VPS13B: variants seen among roughly 807,000 people sequenced by gnomAD.
VPS13B encodes intermembrane lipid transfer protein VPS13B.
A neutral mutation model predicts 426.4 loss-of-function variants in VPS13B; 285 were observed. The ratio of observed to expected loss-of-function variants is 0.67; its 90% confidence interval spans 0.61 to 0.74. The LOEUF (loss-of-function observed/expected upper bound fraction) is 0.74, where lower values mean the gene tolerates loss of function less well. Ranked by LOEUF, VPS13B falls within the 30% of genes least tolerant of loss-of-function variation. The pLI, the probability that VPS13B is intolerant of heterozygous loss-of-function variation, is 0.00. For synonymous variants in VPS13B, 1,676 were observed against 1,676.4 expected, an observed-to-expected ratio of 1.00 and a Z score of 0.01; for missense variants, 4,537 against 4,782.6, an observed-to-expected ratio of 0.95 and a Z score of 1.51.
chr8:99,798,222 T>C (rs919018095), intron 43 of VPS13B, among the ~76,000 whole-genome samples: 1 of 102,180 alleles, frequency 9.8e-6, no homozygotes, highest in African/African-American at 3.8e-5. Flanking sequence ...GTAATTGAAA[T>C]AGCCAAAAAA....
At chr8:99,623,373 C>A (rs1003406852) in intron 33 of VPS13B, among the ~76,000 whole-genome samples, 1 of 152,138 alleles carries the variant, frequency 6.6e-6, no homozygotes, top group African/African-American at 2.4e-5. Flanking sequence ...TTTCTCATAC[C>A]ATGTATAATC....
At chr8:99,356,704 G>A (rs1401913112) in intron 19 of VPS13B, among the ~76,000 whole-genome samples, 3 of 152,008 alleles carry the variant, frequency 2.0e-5, no homozygotes, top group South Asian at 2.1e-4. Context: ...AATTTTAAAA[G>A]GTGAGCTTTA....
At chr8:99,544,994 C>T (rs1248277550) in intron 30 of VPS13B, among the ~76,000 whole-genome samples, 1 of 152,136 alleles carries the variant, frequency 6.6e-6, no homozygotes, top group African/African-American at 2.4e-5. Context: ...CTCTGAACCA[C>T]TACACCATAA....
chr8:99,077,757 A>C (rs1845214652), intron 3 of VPS13B, among the ~76,000 whole-genome samples: 1 of 151,842 alleles, frequency 6.6e-6, no homozygotes, highest in Admixed American at 6.6e-5. Flanking sequence ...TCCTGTATTG[A>C]AATTTGTATG....
chr8:99,469,290 T>C (rs1463542923), intron 24 of VPS13B, among the ~76,000 whole-genome samples: 3 of 151,788 alleles, frequency 2.0e-5, no homozygotes, highest in African/African-American at 7.3e-5. Flanking sequence ...CATTTGAACC[T>C]TCTGAGTAGC....
intron 35 of VPS13B, among the ~76,000 whole-genome samples, chr8:99,662,919 A>G (rs995928667): frequency 6.6e-6 from 1 of 152,084 alleles, no homozygotes; most frequent in Non-Finnish European, 1.5e-5. Context: ...TTAGCTGGCC[A>G]TGGTGGCACG....
chr8:99,791,984 T>C (rs1202354035), intron 43 of VPS13B, among the ~76,000 whole-genome samples: 1 of 152,086 alleles, frequency 6.6e-6, no homozygotes, highest in Non-Finnish European at 1.5e-5. Flanking sequence ...AGCCATAAAA[T>C]GGGAACATAA....
chr8:99,044,908 G>A (rs1006477148), intron 3 of VPS13B, among the ~76,000 whole-genome samples: 7 of 119,402 alleles, frequency 5.9e-5, no homozygotes, highest in African/African-American at 2.5e-4. Flanking sequence ...ACCACCCCCC[G>A]CCCCCACGGT....
chr8:99,832,393 A>G lies in VPS13B; in HGVS notation c.9355A>G (p.Thr3119Ala), dbSNP rs749275008. 6 of 1,382,916 alleles carry G rather than the reference A, an allele frequency of 4.3e-6. No homozygotes were observed. Among genetic ancestry groups the G allele is most frequent in the South Asian group, 2.5e-5 (2 of 79,390 alleles). 85.7% of individuals were successfully genotyped at this position (1,382,916 alleles called of 1,614,324 possible). A position where few individuals can be genotyped will look rare whatever the true frequency, so the allele number is the denominator to read the frequency against. The change falls in exon 52 of 62, where the codon ACT becomes GCT. Residue 3119 changes from threonine to alanine, a missense_variant. Physicochemically the swap from Thr to Ala is moderately conservative, Grantham distance 58 (BLOSUM62 0). Around this residue, in one of 2 missense-constraint regions of VPS13B, gnomAD observed 4,311 missense variants for 4,474.3 expected, o/e 0.96. Coordinates refer to ENST00000357162, the MANE Select transcript of VPS13B (RefSeq NM_152564.5). ...KEYFRVPDSA[T>A]FSICPGGEQP... is the part of the protein sequence containing the mutation. ...GTATTTTCGTGTTCCAGACAGTGCT[A>G]CTTTTAGCATTTGCCCAGGTGGAGA...
rs564757590 is a variant in VPS13B, at chr8:99,096,515, G to C, written c.412+83G>C. On this transcript the variant is annotated intron_variant, in intron 4 of 61. Transcript: ENST00000357162. ...TCATGCCTGTAATCCCAGTGCTTTG[G>C]GGGGCTGAGGCGGGTGGATTACTTG... The C allele has an allele frequency of 4.4e-6, 7 of 1,580,700 alleles. No individual in the cohort carries two copies. The Admixed American group carries it at 8.7e-5, about 20-fold the overall frequency.
At chr8:99,545,482 A>T (rs1823920429) in intron 30 of VPS13B, among the ~76,000 whole-genome samples, 1 of 152,076 alleles carries the variant, frequency 6.6e-6, no homozygotes, top group Non-Finnish European at 1.5e-5. Context: ...AAATTTTTTA[A>T]ATTGTATTTA....
chr8:99,112,330 T>TCAA (rs1847407885), intron 6 of VPS13B, among the ~76,000 whole-genome samples: 1 of 152,220 alleles, frequency 6.6e-6, no homozygotes, highest in African/African-American at 2.4e-5. Context: ...TGGTATTAAC[T>TCAA]ACTGTTCCTG....
At position 99,274,346 on chromosome 8, in the gene VPS13B, G is replaced by A. The variant is rs762500164; in HGVS notation, c.2650+14G>A. ...CCAAAGCCCCAGGTATGTGCAGCTG[G>A]ACCGTGTAAAACTTTATTGCCTGTA... On this transcript the variant is annotated intron_variant, in intron 18 of 61. Transcript: ENST00000357162. 3.4e-5 allele frequency: 55 copies of A among 1,613,904 alleles called. 1 individual carries two copies. In the Middle Eastern group the frequency reaches 4.9e-4, roughly 14 times the overall value.
At chr8:99,696,585 A>G (rs1312318649) in intron 35 of VPS13B, 1 of 573,894 alleles carries the variant, frequency 1.7e-6, no homozygotes, top group Non-Finnish European at 3.3e-6. Context: ...CACGTTTGAG[A>G]CCCAGTCCAT....
intron 19 of VPS13B, among the ~76,000 whole-genome samples, chr8:99,340,128 G>T (rs1159282164): frequency 6.6e-6 from 1 of 152,074 alleles, no homozygotes; most frequent in African/African-American, 2.4e-5. Flanking sequence ...ATTCCTAACA[G>T]AATAACTATA....
intron 34 of VPS13B, among the ~76,000 whole-genome samples, chr8:99,654,897 A>G (rs1450139264): frequency 6.6e-6 from 1 of 151,866 alleles, no homozygotes; most frequent in African/African-American, 2.4e-5. Context: ...ACTTGTCTCA[A>G]TGAATTGGGA....
intron 43 of VPS13B, among the ~76,000 whole-genome samples, chr8:99,789,209 A>G (rs1159347718): frequency 1.3e-5 from 2 of 152,180 alleles, no homozygotes; most frequent in African/African-American, 2.4e-5. Flanking sequence ...TGTCAATTTC[A>G]TTAACTAGAC....
intron 24 of VPS13B, among the ~76,000 whole-genome samples, chr8:99,473,941 T>C (rs952486669): frequency 1.3e-5 from 2 of 152,162 alleles, no homozygotes; most frequent in Admixed American, 6.5e-5. Context: ...ACAAAAGATA[T>C]CTAAGACCTC....
At chr8:99,678,968 C>G (rs964653209) in intron 35 of VPS13B, among the ~76,000 whole-genome samples, 3 of 152,130 alleles carry the variant, frequency 2.0e-5, no homozygotes, top group Non-Finnish European at 4.4e-5. Context: ...CTCAAGTTGT[C>G]TCACCATTGG....
Sources: gnomAD v4.1 joint callset for allele counts (sites outside exome capture counted in the v4.1 genomes callset) on GRCh38, gnomAD v4.1.1 for gene constraint, gnomAD v4.1.1 regional missense constraint, MANE v1.5 for transcripts, NCBI Gene and HGNC (gene_info 2026-07-23, HGNC 2026-07-21) for gene names.